The following LRRC7 variants were observed in gnomAD, a reference collection of about 807,000 sequenced individuals.
LRRC7 encodes the protein leucine rich repeat containing 7.
Under a neutral mutation model 175.7 loss-of-function variants are expected in LRRC7, and 23 were observed. The observed-to-expected ratio is 0.13, with a 90% CI of 0.09 to 0.19. The LOEUF is 0.19. Ranked by LOEUF, LRRC7 falls within the 10% of genes least tolerant of loss-of-function variation. The pLI is 1.00. For synonymous variants in LRRC7, 685 were observed against 680.9 expected, an observed-to-expected ratio of 1.01 and a Z score of -0.09; for missense variants, 1,354 against 1,904.7, an observed-to-expected ratio of 0.71 and a Z score of 5.38.
chr1:69,594,060 GATAAA>G (rs1324727716), intron 1 of LRRC7, among the ~76,000 whole-genome samples: 1 of 152,068 alleles, frequency 6.6e-6, no homozygotes, highest in Non-Finnish European at 1.5e-5. Context: ...GAGATGGATG[GATAAA>G]ATAAAGTGTC....
At chr1:70,117,881 A>AT (rs1192132740) in intron 26 of LRRC7, among the ~76,000 whole-genome samples, 1 of 152,132 alleles carries the variant, frequency 6.6e-6, no homozygotes, top group Non-Finnish European at 1.5e-5. Context: ...TAAAATTTAA[A>AT]TTTTTTATTA....
At chr1:69,743,872 G>GA (rs943626772) in intron 2 of LRRC7, among the ~76,000 whole-genome samples, 23 of 151,166 alleles carry the variant, frequency 1.5e-4, no homozygotes, top group East Asian at 7.8e-4. Context: ...CTTGTAACAA[G>GA]AAAAAAAAGC....
chr1:69,618,256 T>C (rs1749495), intron 1 of LRRC7, among the ~76,000 whole-genome samples: 19,529 of 152,156 alleles, frequency 0.13, 1,596 homozygotes, highest in South Asian at 0.19. Context: ...CTAATATTCA[T>C]AGCCCGCATC....
At chr1:69,910,693 C>T (rs1292955106) in intron 7 of LRRC7, among the ~76,000 whole-genome samples, 1 of 152,256 alleles carries the variant, frequency 6.6e-6, no homozygotes, top group Non-Finnish European at 1.5e-5. Flanking sequence ...AGATCTCCAG[C>T]TGCATGCTGG....
chr1:69,910,844 C>T (rs1168522989), intron 7 of LRRC7, among the ~76,000 whole-genome samples: 2 of 152,216 alleles, frequency 1.3e-5, no homozygotes, highest in Non-Finnish European at 2.9e-5. Flanking sequence ...CTGTGGTGGG[C>T]TCCACCCAGT....
chr1:69,721,057 A>G (rs1050115443), intron 2 of LRRC7, among the ~76,000 whole-genome samples: 1 of 151,952 alleles, frequency 6.6e-6, no homozygotes, highest in Middle Eastern at 3.4e-3. Context: ...TTGAAAAAAC[A>G]TAGACTTTAT....
chr1:70,098,382 T>C (rs1259488394), intron 25 of LRRC7, among the ~76,000 whole-genome samples: 2 of 150,328 alleles, frequency 1.3e-5, no homozygotes, highest in East Asian at 2.0e-4. Flanking sequence ...AGATCCAAAA[T>C]TGACACCCTA....
intron 7 of LRRC7, among the ~76,000 whole-genome samples, chr1:69,879,227 A>C (rs868351252): frequency 0.021 from 3,056 of 148,320 alleles, 209 homozygotes; most frequent in African/African-American, 0.071. Context: ...AAAAAAAAAA[A>C]AAAAAAAAAG....
At chr1:69,836,867 C>A (rs1681171063) in intron 6 of LRRC7, among the ~76,000 whole-genome samples, 1 of 150,470 alleles carries the variant, frequency 6.6e-6, no homozygotes. Flanking sequence ...AAATAAAAAG[C>A]TTGATAGGAG....
At chr1:69,729,708 A>G (rs1417584023) in intron 2 of LRRC7, among the ~76,000 whole-genome samples, 1 of 152,120 alleles carries the variant, frequency 6.6e-6, no homozygotes, top group South Asian at 2.1e-4. Flanking sequence ...TTCCAGGCAC[A>G]TGGTACAAGC....
At chr1:69,683,527 G>T (rs187247932) in intron 2 of LRRC7, among the ~76,000 whole-genome samples, 44 of 152,054 alleles carry the variant, frequency 2.9e-4, no homozygotes, top group African/African-American at 8.7e-4. Context: ...AACCAAACTG[G>T]CTTTCTTATA....
At chr1:69,635,734 A>G (rs372241558) in intron 1 of LRRC7, among the ~76,000 whole-genome samples, 9 of 152,202 alleles carry the variant, frequency 5.9e-5, no homozygotes, top group East Asian at 5.8e-4. Flanking sequence ...AAAAGTTGAT[A>G]GTGTGCTTGC....
In LRRC7 at chr1:69,798,200, A is replaced by G. The variant is rs563910954; in HGVS notation, c.421+6040A>G. Among the ~76,000 whole-genome samples the G allele has an allele frequency of 2.2e-4, 33 of 152,234 alleles. 1 individual carries two copies. Among genetic ancestry groups the G allele is most frequent in the Admixed American group, 1.8e-3 (28 of 15,286 alleles). On this transcript the variant is annotated intron_variant, in intron 4 of 26. Transcript: ENST00000651989. The stretch of plus-strand genomic sequence containing the variant: ...CTCCCAAAGTGCTGGGATTACAGGC[A>G]TGAGCCACCGCGCCTGGCTGATTTG...
intron 2 of LRRC7, among the ~76,000 whole-genome samples, chr1:69,692,340 G>A (rs909126810): frequency 6.6e-6 from 1 of 152,130 alleles, no homozygotes; most frequent in Non-Finnish European, 1.5e-5. Context: ...AGAGTATTGG[G>A]GAAATCCCTC....
chr1:70,017,007 G>A (rs1010899444), intron 14 of LRRC7, among the ~76,000 whole-genome samples: 85 of 152,028 alleles, frequency 5.6e-4, no homozygotes, highest in African/African-American at 1.9e-3. Context: ...GGCTGGGCGC[G>A]GTGGCTCATG....
At chr1:69,866,764 G>A (rs1286936978) in intron 7 of LRRC7, among the ~76,000 whole-genome samples, 3 of 152,044 alleles carry the variant, frequency 2.0e-5, no homozygotes, top group African/African-American at 7.2e-5. Flanking sequence ...TGCTCCTTTG[G>A]TAATGATTAC....
intron 24 of LRRC7, among the ~76,000 whole-genome samples, chr1:70,079,940 C>G (rs1298550009): frequency 6.6e-6 from 1 of 152,152 alleles, no homozygotes; most frequent in African/African-American, 2.4e-5. Context: ...GTGAAGAAAC[C>G]AAGGCAGAGA....
intron 26 of LRRC7, among the ~76,000 whole-genome samples, chr1:70,117,317 T>G (rs1264493045): frequency 1.3e-5 from 2 of 152,218 alleles, no homozygotes; most frequent in East Asian, 3.8e-4. Flanking sequence ...CTGGACTGTT[T>G]CTGCAATATA....
rs188590657 is a variant in LRRC7 at position 69,799,646 on chromosome 1, A to G, written c.421+7486A>G. Reference sequence around the variant, plus strand: ...ACATAGGTTGATTTCAAATTTTGCTATAGTTTGCAAATATTTTCTCACATT... The same window carrying G: ...ACATAGGTTGATTTCAAATTTTGCTGTAGTTTGCAAATATTTTCTCACATT... On this transcript the variant is annotated intron_variant, in intron 4 of 26. Coordinates refer to ENST00000651989, the MANE Select transcript of LRRC7 (RefSeq NM_001370785.2). Among the ~76,000 whole-genome samples, 6 of 152,204 alleles carry G rather than the reference A, an allele frequency of 3.9e-5. No individual in the cohort carries two copies. The East Asian group carries it at 9.6e-4, about 24-fold the overall frequency.
Sources: allele counts gnomAD v4.1 joint callset (sites outside exome capture counted in the v4.1 genomes callset), GRCh38; gene constraint gnomAD v4.1.1; transcripts MANE v1.5; gene names NCBI Gene and HGNC (gene_info 2026-07-23, HGNC 2026-07-21).